Variants in ATG5 observed in about 807,000 individuals in gnomAD.
ATG5 encodes autophagy protein 5.
In ATG5, 14 loss-of-function variants were observed where a neutral mutation model predicts 36.5. The observed-to-expected ratio is 0.38, with a 90% confidence interval of 0.25 to 0.60. The LOEUF (loss-of-function observed/expected upper bound fraction) is 0.60, where lower values mean the gene tolerates loss of function less well. Ranked by LOEUF, ATG5 falls within the 20% of genes least tolerant of loss-of-function variation. ATG5 has a pLI of 0.60. For missense variants in ATG5, 195 were observed against 326.7 expected, an observed-to-expected ratio of 0.60 and a Z score of 3.11; for synonymous variants, 95 against 101.5, an observed-to-expected ratio of 0.94 and a Z score of 0.38.
At chr6:106,196,355 A>G (rs1411892586) in intron 7 of ATG5, among the ~76,000 whole-genome samples, 1 of 152,228 alleles carries the variant, frequency 6.6e-6, no homozygotes, top group Non-Finnish European at 1.5e-5. Flanking sequence ...AACAAATGGC[A>G]GCATAGTAAA....
intron 5 of ATG5, among the ~76,000 whole-genome samples, chr6:106,267,432 C>T (rs1442158313): frequency 6.6e-6 from 1 of 152,190 alleles, no homozygotes; most frequent in Non-Finnish European, 1.5e-5. Flanking sequence ...TTTACAGATT[C>T]AACGCTATTC....
rs141908661 is a variant in ATG5 at position 106,287,845 on chromosome 6, G to A, written c.315+5183C>T. Among the ~76,000 whole-genome samples the A allele has an allele frequency of 3.1e-3, 475 of 151,918 alleles. 2 individuals carry two copies. Among genetic ancestry groups the A allele is most frequent in the African/African-American group, 0.01 (418 of 41,428 alleles). On this transcript the variant is annotated intron_variant, in intron 4 of 7. Transcript: ENST00000369076. ...TAAGTAATCTTTTAACTGTAATGTCGCTTTGCAAGCAGCATGCCTATAGAA... is the reference window on the plus strand; with the variant it reads ...TAAGTAATCTTTTAACTGTAATGTCACTTTGCAAGCAGCATGCCTATAGAA...
At chr6:106,292,731 A>G (rs1329508924) in intron 4 of ATG5, among the ~76,000 whole-genome samples, 1 of 152,182 alleles carries the variant, frequency 6.6e-6, no homozygotes, top group Admixed American at 6.6e-5. Context: ...CGGCCTCCCA[A>G]AGTGCTGGGA....
intron 5 of ATG5, 60 bp from the exon 6 acceptor site, chr6:106,248,304 C>A: frequency 8.1e-7 from 1 of 1,242,184 alleles, no homozygotes; most frequent in Non-Finnish European, 1.2e-6. Context: ...GAATACCTCA[C>A]ATGAAGAGAT....
intron 2 of ATG5, among the ~76,000 whole-genome samples, chr6:106,312,798 T>C (rs17066765): frequency 0.025 from 3,745 of 152,146 alleles, 64 homozygotes; most frequent in African/African-American, 0.049. Flanking sequence ...ACAAACAGAC[T>C]CTGAGCTTGG....
At chr6:106,246,167 C>G (rs1239860585) in intron 6 of ATG5, among the ~76,000 whole-genome samples, 3 of 151,998 alleles carry the variant, frequency 2.0e-5, no homozygotes, top group African/African-American at 4.8e-5. Flanking sequence ...AAATGAGAAC[C>G]TATATTGTCC....
At chr6:106,296,481 A>G (rs1769942286) in intron 3 of ATG5, among the ~76,000 whole-genome samples, 1 of 152,192 alleles carries the variant, frequency 6.6e-6, no homozygotes, top group Non-Finnish European at 1.5e-5. Context: ...TCATTTTCTT[A>G]TGTGTTGCCT....
chr6:106,271,950 T>C lies in ATG5; in HGVS notation c.478+7711A>G, dbSNP rs191733863. Among the ~76,000 whole-genome samples, 551 of 152,348 alleles carry C rather than the reference T, an allele frequency of 3.6e-3. 7 individuals carry two copies. The highest frequency in any genetic ancestry group is 0.013 in the African/African-American group (522 of 41,576). ...TGCTGTTCCCTCTGCCTAGGAAGTT[T>C]TTAATCCCAGATAAATATGCATGAT... On this transcript the variant is annotated intron_variant, in intron 5 of 7. Transcript: ENST00000369076.
At chr6:106,260,012 A>G (rs1197356152) in intron 5 of ATG5, among the ~76,000 whole-genome samples, 4 of 152,190 alleles carry the variant, frequency 2.6e-5, no homozygotes, top group African/African-American at 9.6e-5. Context: ...ACAAGCACAG[A>G]AAACCAGACA....
At chr6:106,318,657 C>T (rs955764843) in intron 1 of ATG5, among the ~76,000 whole-genome samples, 1 of 152,114 alleles carries the variant, frequency 6.6e-6, no homozygotes, top group African/African-American at 2.4e-5. Context: ...TCAGCCAAGG[C>T]AGCTAAAGGT....
intron 5 of ATG5, among the ~76,000 whole-genome samples, chr6:106,278,080 C>T (rs1003776120): frequency 3.3e-5 from 5 of 151,884 alleles, no homozygotes; most frequent in East Asian, 1.9e-4. Flanking sequence ...CTAGGACTGT[C>T]GGCACATGCG....
chr6:106,220,467 T>C (rs1034370297), intron 6 of ATG5, among the ~76,000 whole-genome samples: 6 of 152,186 alleles, frequency 3.9e-5, no homozygotes, highest in Non-Finnish European at 8.8e-5. Flanking sequence ...TATCCTGATA[T>C]GAAATGTCAA....
chr6:106,303,457 T>G (rs1420142797), intron 3 of ATG5, among the ~76,000 whole-genome samples: 3 of 152,132 alleles, frequency 2.0e-5, no homozygotes, highest in Non-Finnish European at 4.4e-5. Context: ...CAGACCCAAG[T>G]GGTTTCACTA....
Position 106,275,592 on chromosome 6 carries a change from T to G in ATG5, c.478+4069A>C, listed in dbSNP as rs537850472. Among the ~76,000 whole-genome samples the G allele has an allele frequency of 1.7e-3, 265 of 152,276 alleles. 2 individuals carry two copies. The highest frequency in any genetic ancestry group is 6.1e-3 in the African/African-American group (254 of 41,562). On this transcript the variant is annotated intron_variant, in intron 5 of 7. Transcript: ENST00000369076. ...AATCAAACGTCACTTTAAAATTAATTTAATAAAATTTAATAAAGAAAACTT... is the reference window on the plus strand; with the variant it reads ...AATCAAACGTCACTTTAAAATTAATGTAATAAAATTTAATAAAGAAAACTT...
intron 6 of ATG5, among the ~76,000 whole-genome samples, chr6:106,240,951 G>A (rs1251839075): frequency 4.6e-5 from 7 of 152,204 alleles, no homozygotes; most frequent in South Asian, 2.1e-4. Flanking sequence ...CCAGGAGTTC[G>A]AGACCAGCCT....
At chr6:106,290,032 T>C (rs141137669) in intron 4 of ATG5, among the ~76,000 whole-genome samples, 7 of 149,692 alleles carry the variant, frequency 4.7e-5, no homozygotes, top group African/African-American at 1.5e-4. Flanking sequence ...ATTATATTAT[T>C]ATTATTTTGA....
At position 106,293,886 on chromosome 6, in the gene ATG5, T is replaced by C. The variant is rs550748717; in HGVS notation, c.237-780A>G. Among the ~76,000 whole-genome samples, 32 of 152,302 alleles carry C rather than the reference T, an allele frequency of 2.1e-4. No individual in the cohort carries two copies. In the South Asian group the frequency reaches 2.3e-3, roughly 11 times the overall value. On this transcript the variant is annotated intron_variant, in intron 3 of 7. Coordinates refer to ENST00000369076, the MANE Select transcript of ATG5 (RefSeq NM_004849.4). ...AAAATCTAAAGTAAATTAGCTTACTTGGTTAATCAGAATTAAATAATACAG... is the reference window on the plus strand; with the variant it reads ...AAAATCTAAAGTAAATTAGCTTACTCGGTTAATCAGAATTAAATAATACAG...
chr6:106,259,555 G>C (rs1399658425), intron 5 of ATG5, among the ~76,000 whole-genome samples: 1 of 152,136 alleles, frequency 6.6e-6, no homozygotes, highest in African/African-American at 2.4e-5. Context: ...CTTTCAACAA[G>C]TCCATGAAGT....
intron 3 of ATG5, among the ~76,000 whole-genome samples, chr6:106,301,516 G>A (rs1055403579): frequency 2.6e-5 from 4 of 151,752 alleles, no homozygotes; most frequent in East Asian, 3.9e-4. Flanking sequence ...TTTGAGTCTC[G>A]GTTTTCCAAA....
Sources: gnomAD v4.1 joint callset for allele counts (sites outside exome capture counted in the v4.1 genomes callset) on GRCh38, gnomAD v4.1.1 for gene constraint, MANE v1.5 for transcripts, NCBI Gene and HGNC (gene_info 2026-07-23, HGNC 2026-07-21) for gene names.